Variants in PAPSS1 observed in about 807,000 individuals in gnomAD.
PAPSS1 encodes the protein bifunctional 3'-phosphoadenosine 5'-phosphosulfate synthase 1.
In PAPSS1, 50 loss-of-function variants were observed where a neutral mutation model predicts 72.0. The ratio of observed to expected loss-of-function variants is 0.69; its 90% CI spans 0.55 to 0.88. The LOEUF is 0.88. Ranked by LOEUF, PAPSS1 falls within the 40% of genes least tolerant of loss-of-function variation. The pLI, the probability that PAPSS1 is intolerant of heterozygous loss-of-function variation, is 0.00. For synonymous variants in PAPSS1, 261 were observed against 263.6 expected, an observed-to-expected ratio of 0.99 and a Z score of 0.09; for missense variants, 657 against 782.2, an observed-to-expected ratio of 0.84 and a Z score of 1.91.
chr4:107,640,708 C>G (rs1195876636), intron 10 of PAPSS1, among the ~76,000 whole-genome samples: 1 of 152,198 alleles, frequency 6.6e-6, no homozygotes, highest in Non-Finnish European at 1.5e-5. Context: ...CATTAAAACA[C>G]TTCATGGTCT....
intron 6 of PAPSS1, among the ~76,000 whole-genome samples, chr4:107,658,876 G>A (rs978607664): frequency 1.4e-4 from 21 of 152,144 alleles, no homozygotes; most frequent in Non-Finnish European, 3.1e-4. Context: ...CATGTGAGGA[G>A]GTGCAAAGAA....
intron 8 of PAPSS1, 50 bp downstream of exon 8, chr4:107,654,645 C>G: frequency 1.4e-6 from 2 of 1,462,474 alleles, no homozygotes. Flanking sequence ...CATTTCAGCA[C>G]AAACATCATT....
intron 5 of PAPSS1, among the ~76,000 whole-genome samples, chr4:107,665,082 A>G (rs964549399): frequency 6.6e-6 from 1 of 152,234 alleles, no homozygotes; most frequent in African/African-American, 2.4e-5. Context: ...TAAAAAAGAT[A>G]CAGAGAGTGA....
In PAPSS1 at chr4:107,720,205, G is replaced by A. The variant is rs893496633; in HGVS notation, c.-26C>T. Reference sequence around the variant, plus strand: ...GACCGCGGAGCGCGCTGAGCAGCCGGGGTTCTCTGCGCCGGGAGGGTAGCA... The same window carrying A: ...GACCGCGGAGCGCGCTGAGCAGCCGAGGTTCTCTGCGCCGGGAGGGTAGCA... On this transcript the variant is annotated 5_prime_UTR_variant, in exon 1 of 12. Coordinates refer to ENST00000265174, the MANE Select transcript of PAPSS1 (RefSeq NM_005443.5). The A allele has an allele frequency of 3.8e-6, 6 of 1,594,546 alleles. No homozygotes were observed. Among genetic ancestry groups the A allele is most frequent in the Non-Finnish European group, 4.3e-6 (5 of 1,172,594 alleles).
At chr4:107,697,568 T>C (rs1723101354) in intron 2 of PAPSS1, among the ~76,000 whole-genome samples, 1 of 152,214 alleles carries the variant, frequency 6.6e-6, no homozygotes, top group Admixed American at 6.5e-5. Flanking sequence ...TATTTATATG[T>C]TTTAAGTGCA....
intron 6 of PAPSS1, among the ~76,000 whole-genome samples, chr4:107,658,668 A>G (rs1181211889): frequency 6.6e-6 from 1 of 152,210 alleles, no homozygotes; most frequent in Non-Finnish European, 1.5e-5. Context: ...AATGTGTTCC[A>G]CTGCAAAATC....
chr4:107,702,076 T>A (rs1723217848), intron 1 of PAPSS1, among the ~76,000 whole-genome samples: 1 of 151,828 alleles, frequency 6.6e-6, no homozygotes, highest in African/African-American at 2.4e-5. Flanking sequence ...CCACATTATT[T>A]AAATAATATT....
intron 11 of PAPSS1, among the ~76,000 whole-genome samples, chr4:107,621,172 G>A (rs1168107676): frequency 6.6e-6 from 1 of 152,168 alleles, no homozygotes; most frequent in Non-Finnish European, 1.5e-5. Flanking sequence ...CTCTTCCAGA[G>A]TAGGGGGGAG....
At chr4:107,621,606 ATCTTTTTTTTT>A (rs1725955663) in intron 11 of PAPSS1, among the ~76,000 whole-genome samples, 1 of 50,510 alleles carries the variant, frequency 2.0e-5, no homozygotes, top group African/African-American at 7.1e-5. Flanking sequence ...CAGGTTTTTT[ATCTTTTTTTTT>A]TTTTTTTTTT....
At chr4:107,691,559 G>A (rs988980013) in intron 3 of PAPSS1, among the ~76,000 whole-genome samples, 8 of 152,172 alleles carry the variant, frequency 5.3e-5, no homozygotes, top group African/African-American at 1.9e-4. Context: ...AGCCGGGCTT[G>A]GCATCAAGAT....
chr4:107,653,159 A>G (rs1297758284), intron 9 of PAPSS1, among the ~76,000 whole-genome samples: 1 of 151,642 alleles, frequency 6.6e-6, no homozygotes, highest in Non-Finnish European at 1.5e-5. Flanking sequence ...CTCATGTAAA[A>G]CACTCTGACA....
intron 10 of PAPSS1, 25 bp from the exon 11 acceptor site, chr4:107,631,885 T>C (rs772219463): frequency 2.6e-6 from 4 of 1,517,874 alleles, no homozygotes; most frequent in Non-Finnish European, 2.7e-6. Context: ...TCATTTTAGG[T>C]AACTTTGCTT....
chr4:107,689,347 A>G (rs1322708542), intron 3 of PAPSS1, among the ~76,000 whole-genome samples: 1 of 152,100 alleles, frequency 6.6e-6, no homozygotes, highest in Non-Finnish European at 1.5e-5. Flanking sequence ...TCCCCACGCC[A>G]CAACCCAACC....
Position 107,691,916 on chromosome 4 carries a change from G to C in PAPSS1, c.411+1855C>G, listed in dbSNP as rs1489590332. Among the ~76,000 whole-genome samples, 4 of 151,924 alleles carry C rather than the reference G, an allele frequency of 2.6e-5. No homozygotes were observed. The South Asian group carries it at 8.3e-4, about 32-fold the overall frequency. ...GCATACCTGCAACCATCTTATCTTT[G>C]ACAAACCTGACAAAAACAAGCAGTG... is the stretch of plus-strand genomic sequence containing the variant. On this transcript the variant is annotated intron_variant, in intron 3 of 11. Transcript: ENST00000265174.
chr4:107,690,912 C>T (rs1035507627), intron 3 of PAPSS1, among the ~76,000 whole-genome samples: 1 of 152,064 alleles, frequency 6.6e-6, no homozygotes, highest in East Asian at 1.9e-4. Flanking sequence ...TTTCCGAGAG[C>T]TGCAAGATTC....
chr4:107,715,949 A>G (rs1723628136), intron 1 of PAPSS1, among the ~76,000 whole-genome samples: 1 of 152,258 alleles, frequency 6.6e-6, no homozygotes, highest in Admixed American at 6.5e-5. Flanking sequence ...GAGTTAAATA[A>G]TGTTCCCAAG....
At chr4:107,670,594 A>G (rs1727442617) in intron 5 of PAPSS1, among the ~76,000 whole-genome samples, 2 of 152,176 alleles carry the variant, frequency 1.3e-5, no homozygotes, top group South Asian at 4.1e-4. Flanking sequence ...GCTGGAGGGC[A>G]GTGGCAGAAT....
chr4:107,644,452 C>T (rs147658376), intron 10 of PAPSS1, among the ~76,000 whole-genome samples: 212 of 152,246 alleles, frequency 1.4e-3, no homozygotes, highest in African/African-American at 4.8e-3. Flanking sequence ...ACTCTGGTAA[C>T]GGGACAAGAT....
At chr4:107,678,693 T>C (rs1478449243) in intron 5 of PAPSS1, among the ~76,000 whole-genome samples, 4 of 151,938 alleles carry the variant, frequency 2.6e-5, no homozygotes, top group Non-Finnish European at 5.9e-5. Flanking sequence ...ACACAAGGGG[T>C]CCTGCACTCA....
Sources: allele counts gnomAD v4.1 joint callset (sites outside exome capture counted in the v4.1 genomes callset), GRCh38; gene constraint gnomAD v4.1.1; transcripts MANE v1.5; gene names NCBI Gene and HGNC (gene_info 2026-07-23, HGNC 2026-07-21).